CARF: variants seen among roughly 807,000 people sequenced by gnomAD.
CARF encodes calcium-responsive transcription factor.
A neutral mutation model predicts 82.0 loss-of-function variants in CARF; 57 were observed. The observed-to-expected ratio is 0.70, with a 90% CI of 0.56 to 0.87. The LOEUF (loss-of-function observed/expected upper bound fraction) is 0.87, where lower values mean the gene tolerates loss of function less well. Ranked by LOEUF, CARF falls within the 40% of genes least tolerant of loss-of-function variation. CARF has a pLI of 0.00. For synonymous variants in CARF, 268 were observed against 290.1 expected (o/e 0.92, Z 0.77); for missense variants, 771 against 855.8 (o/e 0.90, Z 1.24).
intron 10 of CARF, among the ~76,000 whole-genome samples, chr2:202,967,793 T>C (rs1288062741): frequency 1.3e-5 from 2 of 152,192 alleles, no homozygotes; most frequent in Non-Finnish European, 2.9e-5. Flanking sequence ...TTGACAAATA[T>C]TGCAAAGTTG....
intron 10 of CARF, among the ~76,000 whole-genome samples, chr2:202,967,398 C>A (rs988754348): frequency 6.6e-6 from 1 of 152,162 alleles, no homozygotes; most frequent in Non-Finnish European, 1.5e-5. Context: ...TTTCCTTAAA[C>A]TTACATAGTA....
intron 1 of CARF, among the ~76,000 whole-genome samples, chr2:202,914,603 AC>A (rs906754056): frequency 1.2e-4 from 18 of 152,022 alleles, no homozygotes; most frequent in African/African-American, 4.3e-4. Flanking sequence ...ACATGGTGAA[AC>A]CCCGTCTCTG....
intron 5 of CARF, among the ~76,000 whole-genome samples, chr2:202,951,687 GA>G (rs1199505419): frequency 6.6e-6 from 1 of 151,998 alleles, no homozygotes; most frequent in Non-Finnish European, 1.5e-5. Context: ...TTGTTAAACT[GA>G]AAAAAAGTAC....
chr2:202,953,925 T>TA, intron 6 of CARF, 80 bp from the exon 7 acceptor site: 1 of 1,243,142 alleles, frequency 8.0e-7, no homozygotes, highest in South Asian at 2.2e-5. Flanking sequence ...CTATTACAAA[T>TA]ACATAAGTTT....
intron 13 of CARF, among the ~76,000 whole-genome samples, chr2:202,976,720 T>TG (rs1346383316): frequency 6.6e-6 from 1 of 151,114 alleles, no homozygotes; most frequent in African/African-American, 2.4e-5. Flanking sequence ...CTTTGTCTTT[T>TG]TTTTTTTTTT....
chr2:202,969,607 AAAT>A, intron 10 of CARF, among the ~76,000 whole-genome samples: 1 of 151,248 alleles, frequency 6.6e-6, no homozygotes, highest in East Asian at 2.0e-4. Flanking sequence ...ATAAATAAAT[AAAT>A]AAATAAATAA....
At chr2:202,927,088 T>A (rs1691980543) in intron 3 of CARF, among the ~76,000 whole-genome samples, 1 of 152,196 alleles carries the variant, frequency 6.6e-6, no homozygotes, top group Admixed American at 6.5e-5. Context: ...AGTGCTGGGA[T>A]TACAGGCATG....
chr2:202,963,564 T>G (rs2059413723), intron 9 of CARF, among the ~76,000 whole-genome samples: 1 of 152,194 alleles, frequency 6.6e-6, no homozygotes, highest in African/African-American at 2.4e-5. Context: ...TCGGGATGAT[T>G]CAAGCACATT....
intron 5 of CARF, among the ~76,000 whole-genome samples, chr2:202,948,896 G>A (rs1179052988): frequency 1.3e-5 from 2 of 152,064 alleles, no homozygotes; most frequent in Non-Finnish European, 2.9e-5. Flanking sequence ...GAATAGGAGT[G>A]GTGAGAGAGG....
chr2:202,946,569 C>A (rs974294017), intron 5 of CARF, among the ~76,000 whole-genome samples: 1 of 152,156 alleles, frequency 6.6e-6, no homozygotes, highest in African/African-American at 2.4e-5. Context: ...CTAGGCAATG[C>A]CATTCAGGAC....
At position 202,970,058 on chromosome 2, in the gene CARF, C is replaced by A; in HGVS notation, c.1093C>A (p.Leu365Ile). 1 of 1,560,840 alleles carries A rather than the reference C, an allele frequency of 6.4e-7. No individual in the cohort carries two copies. Among genetic ancestry groups the A allele is most frequent in the South Asian group, 1.3e-5 (1 of 79,806 alleles). ...GAACTTGGTAGATGCTGGTGGTGTT[C>A]TTAGGTATGACATTTTTATAGTTCT... ...KKNLVDAGGV[L>I]RWYVQLPTQQ... The change falls in exon 11 of 17, where the codon CTT becomes ATT. Residue 365 changes from leucine (L) to isoleucine (I), a missense_variant. Coordinates refer to ENST00000438828, the MANE Select transcript of CARF (RefSeq NM_024744.17).
At chr2:202,964,063 CAAAT>C (rs2059436177) in intron 9 of CARF, among the ~76,000 whole-genome samples, 1 of 150,424 alleles carries the variant, frequency 6.6e-6, no homozygotes, top group Admixed American at 6.7e-5. Context: ...CCAAGAGAAA[CAAAT>C]AAAGACTATA....
At chr2:202,935,322 A>ATT (rs1041867453) in intron 3 of CARF, among the ~76,000 whole-genome samples, 6 of 26,806 alleles carry the variant, frequency 2.2e-4, no homozygotes, top group African/African-American at 3.8e-4. Flanking sequence ...ATATTTGTAT[A>ATT]TTTATATATA....
intron 2 of CARF, among the ~76,000 whole-genome samples, chr2:202,923,656 C>T (rs765434367): frequency 1.3e-5 from 2 of 152,020 alleles, no homozygotes; most frequent in African/African-American, 2.4e-5. Context: ...AAAAAGAGCC[C>T]GCATAGCCAA....
intron 5 of CARF, among the ~76,000 whole-genome samples, chr2:202,943,613 CACACACACACACACACAT>C (rs1354200166): frequency 6.9e-6 from 1 of 145,040 alleles, no homozygotes; most frequent in Non-Finnish European, 1.5e-5. Context: ...CACACACACA[CACACACACACACACACAT>C]ATTAGGCTAA....
In CARF at chr2:202,986,893, T is replaced by TACATATATATATAC. The variant is rs1559299274; in HGVS notation, c.*3270_*3271insCATATATATATACA. The TACATATATATATAC allele has an allele frequency of 1.7e-4, 22 of 132,556 alleles. No homozygotes were observed. The highest frequency in any genetic ancestry group is 2.3e-4 in the Non-Finnish European group (14 of 61,248). 8.2% of individuals were successfully genotyped at this position (132,556 alleles called of 1,614,324 possible). A position where few individuals can be genotyped will look rare whatever the true frequency, so the allele number is the denominator to read the frequency against. On this transcript the variant is annotated 3_prime_UTR_variant, in exon 17 of 17. Coordinates refer to ENST00000438828, the MANE Select transcript of CARF (RefSeq NM_024744.17). Reference sequence around the variant, plus strand: ...GTATATATATATATATATATATATATATATATATATATATAGCAACTTGAT... The same window carrying TACATATATATATAC: ...GTATATATATATATATATATATATATACATATATATATACATATATATATATATAGCAACTTGAT...
At chr2:202,923,102 G>A (rs1002993031) in intron 2 of CARF, among the ~76,000 whole-genome samples, 3 of 152,040 alleles carry the variant, frequency 2.0e-5, no homozygotes, top group Non-Finnish European at 2.9e-5. Context: ...TTAGCCAGGT[G>A]TGGTGGTGCA....
At chr2:202,937,750 A>C (rs1346056349) in intron 3 of CARF, among the ~76,000 whole-genome samples, 1 of 151,836 alleles carries the variant, frequency 6.6e-6, no homozygotes, top group African/African-American at 2.4e-5. Flanking sequence ...CCAGCCTCCC[A>C]AGTAACTGGA....
At chr2:202,920,851 G>A (rs539183697) in intron 2 of CARF, among the ~76,000 whole-genome samples, 147 of 152,114 alleles carry the variant, frequency 9.7e-4, no homozygotes, top group African/African-American at 2.9e-3. Context: ...GACCTTATTT[G>A]CAGTTGAATC....
Sources: allele counts gnomAD v4.1 joint callset (sites outside exome capture counted in the v4.1 genomes callset), GRCh38; gene constraint gnomAD v4.1.1; transcripts MANE v1.5; gene names NCBI Gene and HGNC (gene_info 2026-07-23, HGNC 2026-07-21).